Variants in GNA12 observed in about 807,000 individuals in gnomAD.
GNA12 encodes the protein G protein subunit alpha 12.
In GNA12, 9 loss-of-function variants were observed where a neutral mutation model predicts 26.0. The ratio of observed to expected loss-of-function variants is 0.35; its 90% CI spans 0.21 to 0.60. The LOEUF (loss-of-function observed/expected upper bound fraction) is 0.60, where lower values mean the gene tolerates loss of function less well. GNA12 is among the 20% of genes least tolerant of loss of function. GNA12 has a pLI of 0.78. For missense variants in GNA12, 405 were observed against 525.8 expected (o/e 0.77, Z 2.25); for synonymous variants, 264 against 219.6 (o/e 1.20, Z -1.79).
intron 2 of GNA12, among the ~76,000 whole-genome samples, chr7:2,783,350 G>A (rs1333436495): frequency 2.0e-5 from 3 of 152,194 alleles, no homozygotes; most frequent in Non-Finnish European, 4.4e-5. Context: ...GTGGGTGACA[G>A]GTCTCCCGGG....
At chr7:2,832,996 T>G (rs1372492412) in intron 1 of GNA12, among the ~76,000 whole-genome samples, 1 of 152,230 alleles carries the variant, frequency 6.6e-6, no homozygotes, top group Non-Finnish European at 1.5e-5. Context: ...TTTTCCATTC[T>G]GCAAAACCTG....
chr7:2,813,842 C>T (rs1011582253), intron 1 of GNA12, among the ~76,000 whole-genome samples: 2 of 152,128 alleles, frequency 1.3e-5, no homozygotes, highest in African/African-American at 2.4e-5. Context: ...GATGCAACAC[C>T]GTTCCTGGGC....
At chr7:2,787,332 C>T (rs17132693) in intron 2 of GNA12, among the ~76,000 whole-genome samples, 2 of 152,154 alleles carry the variant, frequency 1.3e-5, no homozygotes, top group African/African-American at 2.4e-5. Context: ...ATTTAAGTGT[C>T]AGTCAAACCA....
At chr7:2,821,361 A>C (rs1439799761) in intron 1 of GNA12, among the ~76,000 whole-genome samples, 1 of 152,330 alleles carries the variant, frequency 6.6e-6, no homozygotes. Flanking sequence ...GAATTCACCA[A>C]CCAGGGTTCC....
chr7:2,837,504 T>C (rs1778872051), intron 1 of GNA12, among the ~76,000 whole-genome samples: 1 of 152,066 alleles, frequency 6.6e-6, no homozygotes, highest in Non-Finnish European at 1.5e-5. Flanking sequence ...AAACCCCAAA[T>C]ATAATAAATG....
At chr7:2,826,376 CAAAAAAAAAA>C (rs71026566) in intron 1 of GNA12, among the ~76,000 whole-genome samples, 2 of 107,770 alleles carry the variant, frequency 1.9e-5, no homozygotes, top group Admixed American at 1.9e-4. Context: ...GACTCCATCT[CAAAAAAAAAA>C]AAAAAAAAAC....
chr7:2,838,484 T>C (rs1047747568), intron 1 of GNA12, among the ~76,000 whole-genome samples: 6 of 152,064 alleles, frequency 3.9e-5, no homozygotes, highest in African/African-American at 4.8e-5. Context: ...CTAGGGAGGC[T>C]GAGGTGGGAG....
At chr7:2,780,056 ATATATATATAT>A (rs1562424144) in intron 2 of GNA12, among the ~76,000 whole-genome samples, 2 of 36,532 alleles carry the variant, frequency 5.5e-5, no homozygotes, top group East Asian at 1.9e-3. Flanking sequence ...GTGTACATAT[ATATATATATAT>A]ATATATATAT....
At chr7:2,788,803 T>G (rs573025760) in intron 2 of GNA12, among the ~76,000 whole-genome samples, 1 of 152,254 alleles carries the variant, frequency 6.6e-6, no homozygotes, top group East Asian at 1.9e-4. Flanking sequence ...CAGCCGGCCT[T>G]GCCCCATCTT....
chr7:2,787,838 C>T (rs1792403209), intron 2 of GNA12, among the ~76,000 whole-genome samples: 1 of 152,200 alleles, frequency 6.6e-6, no homozygotes, highest in Non-Finnish European at 1.5e-5. Context: ...ATCTTCTCAA[C>T]TCTGTTACCA....
intron 2 of GNA12, among the ~76,000 whole-genome samples, chr7:2,783,102 A>T (rs879356680): frequency 3.9e-5 from 6 of 152,112 alleles, no homozygotes; most frequent in Non-Finnish European, 8.8e-5. Flanking sequence ...ACCTGACCCC[A>T]CCGTCTGCTG....
At chr7:2,738,924 T>C (rs925923035) in intron 2 of GNA12, among the ~76,000 whole-genome samples, 2 of 152,196 alleles carry the variant, frequency 1.3e-5, no homozygotes, top group African/African-American at 4.8e-5. Context: ...GCCCTGTGTG[T>C]AGCCTCGTGG....
chr7:2,740,812 AG>A (rs2115325958), intron 2 of GNA12, among the ~76,000 whole-genome samples: 1 of 152,320 alleles, frequency 6.6e-6, no homozygotes, highest in East Asian at 1.9e-4. Flanking sequence ...TGGGAGGCCG[AG>A]GCGGACGGAT....
At chr7:2,829,533 TC>T (rs1465651042) in intron 1 of GNA12, among the ~76,000 whole-genome samples, 29 of 152,202 alleles carry the variant, frequency 1.9e-4, no homozygotes, top group Non-Finnish European at 1.5e-5. Context: ...ATCTATTACT[TC>T]TGCCATTTCC....
chr7:2,834,415 G>A (rs1214720602), intron 1 of GNA12, among the ~76,000 whole-genome samples: 1 of 152,134 alleles, frequency 6.6e-6, no homozygotes, highest in Non-Finnish European at 1.5e-5. Flanking sequence ...ATCCATTCAC[G>A]CTGTATGTTA....
intron 2 of GNA12, among the ~76,000 whole-genome samples, chr7:2,761,727 A>C (rs1387817869): frequency 6.6e-6 from 1 of 152,190 alleles, no homozygotes; most frequent in Non-Finnish European, 1.5e-5. Flanking sequence ...AAAAACAATG[A>C]AGAGTTGACA....
chr7:2,785,689 G>A (rs575206906), intron 2 of GNA12, among the ~76,000 whole-genome samples: 2 of 146,348 alleles, frequency 1.4e-5, no homozygotes, highest in Non-Finnish European at 3.0e-5. Flanking sequence ...AGTGTATTGT[G>A]TATGTGCATA....
At chr7:2,741,072 A>G (rs572279805) in intron 2 of GNA12, among the ~76,000 whole-genome samples, 3 of 149,792 alleles carry the variant, frequency 2.0e-5, no homozygotes, top group African/African-American at 7.4e-5. Context: ...AAACAAACAA[A>G]TAATCAAACA....
intron 1 of GNA12, among the ~76,000 whole-genome samples, chr7:2,806,413 C>T (rs1160415843): frequency 7.1e-6 from 1 of 141,372 alleles, no homozygotes; most frequent in Non-Finnish European, 1.5e-5. Flanking sequence ...TGAGATTGCA[C>T]CACTGCAGCA....
Sources: gnomAD v4.1 joint callset for allele counts (sites outside exome capture counted in the v4.1 genomes callset) on GRCh38, gnomAD v4.1.1 for gene constraint, MANE v1.5 for transcripts, NCBI Gene and HGNC (gene_info 2026-07-23, HGNC 2026-07-21) for gene names.